Variants in DSCAML1 observed in about 807,000 individuals in gnomAD.
DSCAML1 encodes the protein DS cell adhesion molecule like 1.
DSCAML1 carries 38 observed loss-of-function variants against 200.5 expected under a neutral mutation model. The ratio of observed to expected loss-of-function variants is 0.19; its 90% CI spans 0.15 to 0.25. The LOEUF (loss-of-function observed/expected upper bound fraction) is 0.25. DSCAML1 is among the 10% of genes least tolerant of loss of function. The pLI is 1.00. For missense variants in DSCAML1, 2,223 were observed against 2,858.8 expected (o/e 0.78, Z 5.07); for synonymous variants, 1,215 against 1,165.0 (o/e 1.04, Z -0.87).
rs555602639 is a variant in DSCAML1, at chr11:117,605,245, C to T, written c.512-72723G>A. Among the ~76,000 whole-genome samples the T allele has an allele frequency of 3.3e-5, 5 of 152,204 alleles. No individual in the cohort carries two copies. In the South Asian group the frequency reaches 1.0e-3, roughly 32 times the overall value. ...TCTTCTCCTTGATTCTCCCCACTAC[C>T]CCCACCCCAAAGCACGGCTGGTCTG... On this transcript the variant is annotated intron_variant, in intron 3 of 32. Coordinates refer to ENST00000651296, the MANE Select transcript of DSCAML1 (RefSeq NM_020693.4).
chr11:117,654,313 G>A lies in DSCAML1; in HGVS notation c.512-121791C>T, dbSNP rs550893063. On this transcript the variant is annotated intron_variant, in intron 3 of 32. Transcript: ENST00000651296. ...ATCTGTGAGTATACTAAAGATCACC[G>A]AACTGTGCCTTTTAAATGGGTGTAT... 3.3e-5 allele frequency among the ~76,000 whole-genome samples: 5 copies of A among 152,246 alleles called. No homozygotes were observed. In the South Asian group the frequency reaches 1.0e-3, roughly 32 times the overall value.
chr11:117,758,503 G>A (rs1484789263), intron 3 of DSCAML1, among the ~76,000 whole-genome samples: 4 of 151,176 alleles, frequency 2.6e-5, no homozygotes, highest in African/African-American at 4.9e-5. Context: ...CCGGGTTCAC[G>A]CCATTCTCCT....
rs773705947 is a variant in DSCAML1 at position 117,430,737 on chromosome 11, G to A, written c.5671C>T (p.His1891Tyr). ...RGKNVAVPIP[H>Y]RANKSDYCNL... is the part of the protein sequence containing the mutation. Reference sequence around the variant, plus strand: ...GAGCACTCACTCTTGTTGGCCCGGTGAGGGATGGGCACAGCCACGTTTTTG... The same window carrying A: ...GAGCACTCACTCTTGTTGGCCCGGTAAGGGATGGGCACAGCCACGTTTTTG... The change falls in exon 32 of 33, where the codon CAC becomes TAC. Residue 1891 changes from histidine to tyrosine, a missense_variant. Physicochemically the swap from His to Tyr is moderately conservative, Grantham distance 83. Transcript: ENST00000651296. The A allele has an allele frequency of 6.2e-6, 10 of 1,612,644 alleles. No homozygotes were observed. The highest frequency in any genetic ancestry group is 7.6e-6 in the Non-Finnish European group (9 of 1,179,330).
In DSCAML1 at chr11:117,505,047, C is replaced by T. The variant is rs879181851; in HGVS notation, c.2063-4G>A. ...TGCACCACAAATCGAGGGGGCACTG[C>T]AGAAAGAGGGAAGGTAGGGAAACAG... On this transcript the variant is annotated splice_region_variant and splice_polypyrimidine_tract_variant and intron_variant, in intron 9 of 32. Transcript: ENST00000651296. This position sits in a 1 kb window ranked among gnomAD's most constrained non-coding sequence, Gnocchi z 6.7. 1.2e-6 allele frequency: 2 copies of T among 1,607,488 alleles called. No individual in the cohort carries two copies. Among genetic ancestry groups the T allele is most frequent in the African/African-American group, 1.3e-5 (1 of 74,746 alleles).
At chr11:117,766,990 T>C (rs1395972756) in intron 3 of DSCAML1, among the ~76,000 whole-genome samples, 1 of 152,184 alleles carries the variant, frequency 6.6e-6, no homozygotes, top group East Asian at 1.9e-4. Context: ...CCTCCCTGGC[T>C]GTGTGACCTT....
chr11:117,494,785 A>G (rs2049258554), intron 11 of DSCAML1, among the ~76,000 whole-genome samples: 1 of 152,202 alleles, frequency 6.6e-6, no homozygotes, highest in Non-Finnish European at 1.5e-5. Flanking sequence ...CATAGAGGGA[A>G]GAGGATGTGA....
intron 3 of DSCAML1, among the ~76,000 whole-genome samples, chr11:117,669,686 A>G (rs1230111228): frequency 1.3e-5 from 2 of 152,268 alleles, no homozygotes; most frequent in African/African-American, 4.8e-5. Flanking sequence ...GTCAGGAAAC[A>G]GACATTTCCT....
At chr11:117,711,825 T>C (rs961311529) in intron 3 of DSCAML1, among the ~76,000 whole-genome samples, 2 of 152,168 alleles carry the variant, frequency 1.3e-5, no homozygotes. Flanking sequence ...ATAAGAGGGT[T>C]TTCCCCCCAT....
intron 3 of DSCAML1, among the ~76,000 whole-genome samples, chr11:117,541,444 G>C (rs539830494): frequency 6.6e-6 from 1 of 152,346 alleles, no homozygotes; most frequent in African/African-American, 2.4e-5. Context: ...AATCCTGGCA[G>C]TGGAGGAGGC....
chr11:117,519,499 T>A (rs905466667), intron 6 of DSCAML1, among the ~76,000 whole-genome samples: 1 of 152,172 alleles, frequency 6.6e-6, no homozygotes, highest in African/African-American at 2.4e-5. Flanking sequence ...ACAGGATTGT[T>A]GAAAAGGATT....
intron 3 of DSCAML1, among the ~76,000 whole-genome samples, chr11:117,555,047 G>A (rs1291465194): frequency 2.6e-5 from 4 of 152,086 alleles, no homozygotes; most frequent in African/African-American, 9.7e-5. Flanking sequence ...CTCATGCTGG[G>A]CCCCCTGCAT....
intron 3 of DSCAML1, among the ~76,000 whole-genome samples, chr11:117,572,246 C>T (rs1284430931): frequency 1.3e-5 from 2 of 152,204 alleles, no homozygotes; most frequent in Non-Finnish European, 2.9e-5. Flanking sequence ...TTCTTGCCTT[C>T]CTCTTCTAAT....
chr11:117,692,758 G>C (rs1210762984), intron 3 of DSCAML1, among the ~76,000 whole-genome samples: 1 of 152,188 alleles, frequency 6.6e-6, no homozygotes, highest in Non-Finnish European at 1.5e-5. Context: ...GGAAGCTCAT[G>C]ACCTGCACGG....
chr11:117,527,603 G>A (rs1451785625), intron 4 of DSCAML1, among the ~76,000 whole-genome samples: 1 of 152,322 alleles, frequency 6.6e-6, no homozygotes, highest in East Asian at 1.9e-4. Flanking sequence ...TGAGACCAGC[G>A]ACGTACAGGG....
At chr11:117,809,542 C>G (rs561421178) in intron 1 of DSCAML1, among the ~76,000 whole-genome samples, 1 of 152,184 alleles carries the variant, frequency 6.6e-6, no homozygotes, top group African/African-American at 2.4e-5. Flanking sequence ...ACAACATAGA[C>G]GGCGGCCACT....
intron 14 of DSCAML1, among the ~76,000 whole-genome samples, chr11:117,478,187 T>C (rs541377170): frequency 6.6e-6 from 1 of 152,114 alleles, no homozygotes; most frequent in East Asian, 1.9e-4. Context: ...CAGGAGAGGC[T>C]CCCACGCATT....
chr11:117,688,900 C>T (rs1055064617), intron 3 of DSCAML1, among the ~76,000 whole-genome samples: 2 of 152,240 alleles, frequency 1.3e-5, no homozygotes, highest in African/African-American at 4.8e-5. Flanking sequence ...TGGCAACCTC[C>T]ATACTCTCCA....
At chr11:117,798,951 C>A (rs916505976), upstream of DSCAML1, among the ~76,000 whole-genome samples, 1 of 152,134 alleles carries the variant, frequency 6.6e-6, no homozygotes, top group African/African-American at 2.4e-5. Context: ...GGTGTTTTGT[C>A]ATCTGGAAAC....
At chr11:117,775,479 A>C (rs1314704981) in intron 3 of DSCAML1, among the ~76,000 whole-genome samples, 1 of 152,206 alleles carries the variant, frequency 6.6e-6, no homozygotes. Flanking sequence ...GCTGTCTTCC[A>C]GGAGCTTCGA....
Sources: gnomAD v4.1 joint callset for allele counts (sites outside exome capture counted in the v4.1 genomes callset) on GRCh38, gnomAD v4.1.1 for gene constraint, Gnocchi (gnomAD v3.1) non-coding constraint, MANE v1.5 for transcripts, NCBI Gene and HGNC (gene_info 2026-07-23, HGNC 2026-07-21) for gene names.